Variants in CALD1 observed in about 807,000 individuals in gnomAD.
CALD1 encodes the protein caldesmon.
Under a neutral mutation model 99.9 loss-of-function variants are expected in CALD1, and 33 were observed. That is an observed-to-expected ratio of 0.33 (90% CI 0.25 to 0.44). The LOEUF is 0.44. Ranked by LOEUF, CALD1 falls within the 20% of genes least tolerant of loss-of-function variation. The pLI is 1.00. For synonymous variants in CALD1, 310 were observed against 325.0 expected (o/e 0.95, Z 0.50); for missense variants, 861 against 962.1 (o/e 0.89, Z 1.39).
At chr7:134,825,725 T>C (rs1798961897) in intron 1 of CALD1, among the ~76,000 whole-genome samples, 1 of 152,102 alleles carries the variant, frequency 6.6e-6, no homozygotes, top group South Asian at 2.1e-4. Flanking sequence ...CAATAAAAAA[T>C]TGTTTTGACC....
chr7:134,839,847 AC>A (rs1454364358), intron 1 of CALD1, among the ~76,000 whole-genome samples: 1 of 152,008 alleles, frequency 6.6e-6, no homozygotes, highest in Non-Finnish European at 1.5e-5. Flanking sequence ...GCACCACCAC[AC>A]CTGGCTGATT....
At chr7:134,851,760 C>T (rs1262209595) in intron 2 of CALD1, among the ~76,000 whole-genome samples, 1 of 152,138 alleles carries the variant, frequency 6.6e-6, no homozygotes, top group Non-Finnish European at 1.5e-5. Flanking sequence ...GGCAAGTCTA[C>T]CCCAGAAGTG....
chr7:134,917,036 T>C (rs926047228), intron 3 of CALD1, among the ~76,000 whole-genome samples: 1 of 152,246 alleles, frequency 6.6e-6, no homozygotes, highest in Admixed American at 6.5e-5. Context: ...AATGTGAGAA[T>C]ATCCCTACAT....
chr7:134,730,203 GCCTC>G, the CALD1 span, among the ~76,000 whole-genome samples: 157 of 148,570 alleles, frequency 1.1e-3, no homozygotes, highest in Admixed American at 2.8e-3. Flanking sequence ...CTCCCTCCCT[GCCTC>G]CCTCCCTCCC....
At chr7:134,733,940 A>T in the CALD1 span, among the ~76,000 whole-genome samples, 5 of 151,378 alleles carry the variant, frequency 3.3e-5, no homozygotes, top group Non-Finnish European at 5.9e-5. Flanking sequence ...AATATAACTT[A>T]TATAGTATAA....
At chr7:134,925,925 G>C (rs1209321772) in intron 3 of CALD1, among the ~76,000 whole-genome samples, 1 of 152,174 alleles carries the variant, frequency 6.6e-6, no homozygotes, top group East Asian at 1.9e-4. Context: ...GATTAGTTTA[G>C]GAAGCAGTTA....
At chr7:134,876,474 A>C (rs1801359186) in intron 3 of CALD1, among the ~76,000 whole-genome samples, 1 of 152,176 alleles carries the variant, frequency 6.6e-6, no homozygotes. Flanking sequence ...AAACTTAAAA[A>C]CCGTTTATGG....
At chr7:134,758,848 A>G (rs1211737074) in intron 1 of CALD1, among the ~76,000 whole-genome samples, 1 of 152,136 alleles carries the variant, frequency 6.6e-6, no homozygotes, top group Non-Finnish European at 1.5e-5. Context: ...CAGAGGATCT[A>G]GGCAGACACC....
At chr7:134,788,884 G>A (rs1472009087) in intron 1 of CALD1, among the ~76,000 whole-genome samples, 1 of 151,982 alleles carries the variant, frequency 6.6e-6, no homozygotes, top group Non-Finnish European at 1.5e-5. Context: ...CCATGGTGGT[G>A]TGCATCTGTA....
intron 3 of CALD1, among the ~76,000 whole-genome samples, chr7:134,892,570 G>C (rs1181962142): frequency 6.6e-6 from 1 of 152,164 alleles, no homozygotes; most frequent in Non-Finnish European, 1.5e-5. Flanking sequence ...CAAATAAACA[G>C]AGAAACTCAT....
intron 2 of CALD1, among the ~76,000 whole-genome samples, chr7:134,862,827 C>T (rs929315230): frequency 6.6e-6 from 1 of 152,154 alleles, no homozygotes; most frequent in African/African-American, 2.4e-5. Context: ...AACAAAGTAC[C>T]ACACACTAGT....
chr7:134,738,422 T>G, the CALD1 span, among the ~76,000 whole-genome samples: 1 of 152,242 alleles, frequency 6.6e-6, no homozygotes, highest in African/African-American at 2.4e-5. Flanking sequence ...TTCTTTCATC[T>G]ACGCTTTATG....
At chr7:134,779,594 G>A (rs1797023854), upstream of CALD1, 1 of 398,438 alleles carries the variant, frequency 2.5e-6, no homozygotes, top group Non-Finnish European at 4.4e-6. Context: ...CTTCTGGGAG[G>A]GGCCAAGGAA....
At chr7:134,764,777 C>T (rs1796810849) in intron 1 of CALD1, among the ~76,000 whole-genome samples, 1 of 151,922 alleles carries the variant, frequency 6.6e-6, no homozygotes, top group South Asian at 2.1e-4. Flanking sequence ...CCAGAGTGGG[C>T]AAATGTGAAG....
At chr7:134,950,575 GT>G in intron 9 of CALD1, 61 bp downstream of exon 9, 1 of 1,374,282 alleles carries the variant, frequency 7.3e-7, no homozygotes, top group Non-Finnish European at 1.0e-6. Flanking sequence ...TTAGCCCCTT[GT>G]TTAGTTATTG....
At chr7:134,858,860 G>T (rs567923446) in intron 2 of CALD1, among the ~76,000 whole-genome samples, 1 of 152,054 alleles carries the variant, frequency 6.6e-6, no homozygotes, top group Non-Finnish European at 1.5e-5. Flanking sequence ...GAGCCACCAC[G>T]CCCAGCCAGG....
At chr7:134,869,822 T>C (rs1800980428) in intron 3 of CALD1, among the ~76,000 whole-genome samples, 1 of 151,818 alleles carries the variant, frequency 6.6e-6, no homozygotes, top group African/African-American at 2.4e-5. Flanking sequence ...TGAGGGGATA[T>C]TCCCAAAAAA....
intron 6 of CALD1, among the ~76,000 whole-genome samples, chr7:134,938,295 G>A (rs1272826455): frequency 1.3e-5 from 2 of 152,122 alleles, no homozygotes; most frequent in East Asian, 1.9e-4. Context: ...AAATATGCTC[G>A]AGACACATCT....
At chr7:134,924,015 T>C (rs1446724140) in intron 3 of CALD1, among the ~76,000 whole-genome samples, 1 of 152,228 alleles carries the variant, frequency 6.6e-6, no homozygotes, top group Non-Finnish European at 1.5e-5. Context: ...TGGTTAGTCA[T>C]AATAGATCCA....
Sources: gnomAD v4.1 joint callset for allele counts (sites outside exome capture counted in the v4.1 genomes callset) on GRCh38, gnomAD v4.1.1 for gene constraint, MANE v1.5 for transcripts, NCBI Gene and HGNC (gene_info 2026-07-23, HGNC 2026-07-21) for gene names.